The following PON2 variants were observed in gnomAD, a reference collection of about 807,000 sequenced individuals.
PON2 encodes serum paraoxonase/arylesterase 2.
In PON2, 27 loss-of-function variants were observed where a neutral mutation model predicts 36.6. The observed-to-expected ratio is 0.74, with a 90% CI of 0.54 to 1.02. PON2 has a LOEUF of 1.02. Among genes scored for constraint, PON2 ranks in the 50% least tolerant of loss-of-function variants. The probability of loss-of-function intolerance (pLI) is 0.00; values close to 1 mark genes in which losing one functional copy is unlikely to be tolerated. For synonymous variants in PON2, 149 were observed against 156.3 expected, an observed-to-expected ratio of 0.95 and a Z score of 0.35; for missense variants, 363 against 421.1, an observed-to-expected ratio of 0.86 and a Z score of 1.21.
chr7:95,411,928 C>T, intron 4 of PON2, 149 bp from the exon 5 acceptor site: 4 of 850,406 alleles, frequency 4.7e-6, no homozygotes. Flanking sequence ...TTTCCTATTG[C>T]TGTCCGTCTG....
chr7:95,405,980 G>A (rs1039439439), intron 8 of PON2, 139 bp downstream of exon 8: 22 of 934,232 alleles, frequency 2.4e-5, no homozygotes, highest in South Asian at 6.3e-5. Flanking sequence ...TTGGCTTAAC[G>A]CAATTACAAA....
At chr7:95,426,279 A>T (rs1405973002) in intron 1 of PON2, among the ~76,000 whole-genome samples, 1 of 152,206 alleles carries the variant, frequency 6.6e-6, no homozygotes, top group Non-Finnish European at 1.5e-5. Flanking sequence ...GAGAAAAAAA[A>T]AGTTTATGTA....
intron 1 of PON2, among the ~76,000 whole-genome samples, chr7:95,429,035 CT>C (rs879481006): frequency 0.029 from 4,145 of 143,536 alleles, 180 homozygotes; most frequent in African/African-American, 0.095. Context: ...AAAGCATGAA[CT>C]TTTTTTTTTT....
chr7:95,413,752 A>G (rs1384121086), intron 3 of PON2, among the ~76,000 whole-genome samples: 1 of 152,230 alleles, frequency 6.6e-6, no homozygotes, highest in East Asian at 1.9e-4. Flanking sequence ...TTAGGCACAC[A>G]ATAAAAAAGT....
At chr7:95,407,202 G>T in intron 6 of PON2, 134 bp from the exon 7 acceptor site, 1 of 568,054 alleles carries the variant, frequency 1.8e-6, no homozygotes, top group Non-Finnish European at 3.2e-6. Context: ...CTTGATAAAG[G>T]TCAATTTTTA....
In PON2 at chr7:95,406,372, A is replaced by G; in HGVS notation, c.778-125T>C. On this transcript the variant is annotated intron_variant, in intron 7 of 8. Coordinates refer to ENST00000222572, the MANE Select transcript of PON2 (RefSeq NM_000305.3). Reference sequence around the variant, plus strand: ...CATCGCCCTGCTTCCACCTTCTAACACCAATATTGCTTAAAAGGAATGTAT... The same window carrying G: ...CATCGCCCTGCTTCCACCTTCTAACGCCAATATTGCTTAAAAGGAATGTAT... 4.8e-6 allele frequency: 5 copies of G among 1,035,234 alleles called. No individual in the cohort carries two copies. In the South Asian group the frequency reaches 6.7e-5, roughly 14 times the overall value. The allele number at this position is 1,035,234 out of a possible 1,614,324, so 64.1% of individuals were successfully genotyped here. A position where few individuals can be genotyped will look rare whatever the true frequency, so the allele number is the denominator to read the frequency against.
At chr7:95,406,310 G>GCAGGAAGGTTACCTC in intron 7 of PON2, 63 bp from the exon 8 acceptor site, 1 of 1,544,776 alleles carries the variant, frequency 6.5e-7, no homozygotes, top group Non-Finnish European at 8.9e-7. Context: ...TAATTTAGAG[G>GCAGGAAGGTTACCTC]TAACCTTCCT....
Position 95,434,816 on chromosome 7 carries a change from C to T in PON2, c.74+62G>A, listed in dbSNP as rs1255724376. 2.6e-6 allele frequency: 4 copies of T among 1,512,692 alleles called. No individual in the cohort carries two copies. The African/African-American group carries it at 5.7e-5, about 22-fold the overall frequency. The allele number at this position is 1,512,692 out of a possible 1,614,324, so 93.7% of individuals were successfully genotyped here. A position where few individuals can be genotyped will look rare whatever the true frequency, so the allele number is the denominator to read the frequency against. ...CCTCCCCCAGCCTGCGCCCTCCCCG[C>T]ACCACGCGGCCACCCCGAGCCTGGG... On this transcript the variant is annotated intron_variant, in intron 1 of 8. Coordinates refer to ENST00000222572, the MANE Select transcript of PON2 (RefSeq NM_000305.3).
intron 1 of PON2, among the ~76,000 whole-genome samples, chr7:95,431,664 C>T (rs1789444910): frequency 6.6e-6 from 1 of 152,036 alleles, no homozygotes; most frequent in Admixed American, 6.6e-5. Context: ...TAGTGATCTG[C>T]CCGCCTCAGC....
At chr7:95,418,814 T>C (rs748912938) in intron 2 of PON2, among the ~76,000 whole-genome samples, 30 of 152,148 alleles carry the variant, frequency 2.0e-4, no homozygotes, top group Non-Finnish European at 1.2e-4. Context: ...ACTCTCTCCC[T>C]CCCCTTCATC....
chr7:95,406,248 CTTCCAAATGAGAAA>C lies in PON2; in HGVS notation c.778-15_778-2del, dbSNP rs1271227595. On this transcript the variant is annotated splice_acceptor_variant and splice_polypyrimidine_tract_variant and intron_variant, in intron 7 of 8. Transcript: ENST00000222572. LOFTEE classifies it high-confidence loss of function. ...CCACCAGTGTATCCAGCTCAAGTAC[CTTCCAAATGAGAAA>C]TTGTCAAAATCTAAATGACATGAGA... The C allele has an allele frequency of 6.2e-7, 1 of 1,610,004 alleles. No individual in the cohort carries two copies. Among genetic ancestry groups the C allele is most frequent in the Non-Finnish European group, 8.5e-7 (1 of 1,176,416 alleles).
chr7:95,413,154 T>C (rs1420154268), intron 3 of PON2: 1 of 136,126 alleles, frequency 7.3e-6, no homozygotes, highest in African/African-American at 2.8e-5. Context: ...ATTAGCTGAG[T>C]GTTATGGTGA....
At chr7:95,409,418 A>C (rs1476118275) in intron 6 of PON2, 1 of 152,032 alleles carries the variant, frequency 6.6e-6, no homozygotes, top group African/African-American at 2.4e-5. Flanking sequence ...TTTTTTATGT[A>C]GAACTCCCCA....
At chr7:95,418,308 T>C (rs914200939) in intron 2 of PON2, 2 of 152,238 alleles carry the variant, frequency 1.3e-5, no homozygotes, top group African/African-American at 2.4e-5. Context: ...GATTATCTTT[T>C]ATTTTAGAGT....
rs1425207976 is a variant in PON2, at chr7:95,405,100, C to T, written c.*230G>A. On this transcript the variant is annotated 3_prime_UTR_variant, in exon 9 of 9. Coordinates refer to ENST00000222572, the MANE Select transcript of PON2 (RefSeq NM_000305.3). ...TTGTGCAAAATGTATTCACTTTATT[C>T]GAAAGCAGCTTTCTTTTCTGTCCCT... is the stretch of plus-strand genomic sequence containing the variant. The T allele has an allele frequency of 4.1e-6, 2 of 488,800 alleles. No individual in the cohort carries two copies. The highest frequency in any genetic ancestry group is 2.4e-5 in the South Asian group (1 of 42,190). 30.3% of individuals were successfully genotyped at this position (488,800 alleles called of 1,614,324 possible).
rs546727664 is a variant in PON2, at chr7:95,428,313, T to C, written c.75-3728A>G. Among the ~76,000 whole-genome samples, 12 of 152,320 alleles carry C rather than the reference T, an allele frequency of 7.9e-5. No individual in the cohort carries two copies. In the South Asian group the frequency reaches 8.3e-4, roughly 11 times the overall value. ...AAACAGTATCCGCTGGCTTCCTTCA[T>C]TGGTGTCACAATCATTCCCCAAGTG... On this transcript the variant is annotated intron_variant, in intron 1 of 8. Transcript: ENST00000222572.
intron 2 of PON2, among the ~76,000 whole-genome samples, chr7:95,419,397 G>A (rs1789142731): frequency 1.3e-5 from 2 of 152,088 alleles, no homozygotes; most frequent in African/African-American, 2.4e-5. Flanking sequence ...GGAACAGCAT[G>A]AGCAAAAAAA....
intron 8 of PON2, 32 bp from the exon 9 acceptor site, chr7:95,405,520 A>C: frequency 1.9e-6 from 3 of 1,585,100 alleles, no homozygotes; most frequent in Non-Finnish European, 2.6e-6. Flanking sequence ...TGAATATAAG[A>C]CCACCGTACA....
intron 2 of PON2, among the ~76,000 whole-genome samples, chr7:95,421,624 T>A (rs1225288187): frequency 2.0e-5 from 3 of 151,924 alleles, no homozygotes; most frequent in Non-Finnish European, 2.9e-5. Context: ...TGAGTTTGCC[T>A]CCTCCCACTT....
Sources: gnomAD v4.1 joint callset for allele counts (sites outside exome capture counted in the v4.1 genomes callset) on GRCh38, gnomAD v4.1.1 for gene constraint, MANE v1.5 for transcripts, NCBI Gene and HGNC (gene_info 2026-07-23, HGNC 2026-07-21) for gene names.